The following PROM1 variants were observed in gnomAD, a reference collection of about 807,000 sequenced individuals.
The protein encoded by PROM1 is prominin 1, also known as prominin-1.
Under a neutral mutation model 116.9 loss-of-function variants are expected in PROM1, and 105 were observed. The observed-to-expected ratio is 0.90, with a 90% CI of 0.77 to 1.06. The LOEUF is 1.06. Ranked by LOEUF, PROM1 falls within the 50% of genes least tolerant of loss-of-function variation. The pLI is 0.00. For synonymous variants in PROM1, 393 were observed against 387.0 expected (o/e 1.02, Z -0.18); for missense variants, 1,122 against 1,045.2 (o/e 1.07, Z -1.01).
chr4:16,024,201 C>G, intron 7 of PROM1, 94 bp downstream of exon 7: 1 of 1,134,646 alleles, frequency 8.8e-7, no homozygotes, highest in African/African-American at 1.6e-5. Flanking sequence ...TGTCTTCCCC[C>G]AACTTTCACG....
chr4:16,022,095 AAAGG>A (rs377291941), intron 8 of PROM1, among the ~76,000 whole-genome samples: 2 of 150,568 alleles, frequency 1.3e-5, no homozygotes, highest in East Asian at 2.0e-4. Context: ...AGGGAAGGAG[AAAGG>A]AAGGAAGGAG....
At chr4:16,078,467 G>T (rs960157996) in intron 1 of PROM1, among the ~76,000 whole-genome samples, 2 of 152,256 alleles carry the variant, frequency 1.3e-5, no homozygotes, top group Non-Finnish European at 2.9e-5. Context: ...TACAGGGCAA[G>T]TGCTGGCGTA....
intron 22 of PROM1, among the ~76,000 whole-genome samples, chr4:15,984,896 C>A (rs1007348220): frequency 2.0e-5 from 3 of 152,216 alleles, no homozygotes; most frequent in African/African-American, 4.8e-5. Context: ...ACTACCTCCA[C>A]CCCCGGCCTG....
chr4:16,021,737 C>A (rs1729947433), intron 8 of PROM1, among the ~76,000 whole-genome samples: 1 of 152,124 alleles, frequency 6.6e-6, no homozygotes, highest in African/African-American at 2.4e-5. Flanking sequence ...CACCCGCCAT[C>A]TTAACACTCT....
chr4:16,006,002 C>T (rs1725378431), intron 13 of PROM1, among the ~76,000 whole-genome samples: 1 of 152,188 alleles, frequency 6.6e-6, no homozygotes, highest in Non-Finnish European at 1.5e-5. Flanking sequence ...CGCAGGCATA[C>T]CTCTCCCTGC....
At chr4:16,072,388 A>G (rs993046881) in intron 2 of PROM1, among the ~76,000 whole-genome samples, 1 of 152,190 alleles carries the variant, frequency 6.6e-6, no homozygotes. Flanking sequence ...TATCTCTTCT[A>G]TTCCTTGACC....
At position 16,023,196 on chromosome 4, in the gene PROM1, T is replaced by C. The variant is rs551065127; in HGVS notation, c.784+130A>G. The C allele has an allele frequency of 9.9e-5, 75 of 754,076 alleles. No homozygotes were observed. In the African/African-American group the frequency reaches 1.1e-3, roughly 11 times the overall value. 46.7% of individuals were successfully genotyped at this position (754,076 alleles called of 1,614,324 possible). On this transcript the variant is annotated intron_variant, in intron 8 of 27. Transcript: ENST00000447510. ...TGCAACACAGTGTCTTGACCTGAAC[T>C]GTCTGCATGGCCACGGACGGTGGCT...
intron 2 of PROM1, among the ~76,000 whole-genome samples, chr4:16,042,448 G>A (rs1285983966): frequency 6.6e-6 from 1 of 152,164 alleles, no homozygotes; most frequent in African/African-American, 2.4e-5. Context: ...ACAAGGAGGT[G>A]GGAGGAGGGT....
intron 2 of PROM1, among the ~76,000 whole-genome samples, chr4:16,069,506 T>TC (rs1742325822): frequency 6.6e-6 from 1 of 152,180 alleles, no homozygotes; most frequent in African/African-American, 2.4e-5. Context: ...TTTAAAAGCA[T>TC]CATAGTAAAA....
chr4:16,008,057 T>C (rs751225636), intron 12 of PROM1, among the ~76,000 whole-genome samples: 2 of 152,210 alleles, frequency 1.3e-5, no homozygotes, highest in Non-Finnish European at 2.9e-5. Context: ...AAAAGAAATG[T>C]GCAGAAAGTG....
intron 5 of PROM1, among the ~76,000 whole-genome samples, chr4:16,029,886 C>T (rs1414854750): frequency 6.6e-6 from 1 of 151,944 alleles, no homozygotes; most frequent in African/African-American, 2.4e-5. Context: ...AGCTAGAGGC[C>T]CTGCATTAAA....
intron 25 of PROM1, 82 bp downstream of exon 25, chr4:15,979,799 A>G (rs1717286854): frequency 8.2e-7 from 1 of 1,212,274 alleles, no homozygotes; most frequent in Non-Finnish European, 1.2e-6. Context: ...GATGTTAATA[A>G]CTTAATTTTT....
At chr4:15,990,168 T>C (rs2240683) in intron 18 of PROM1, among the ~76,000 whole-genome samples, 126,798 of 152,192 alleles carry the variant, frequency 0.83, 55,252 homozygotes, top group Non-Finnish European at 0.97. Flanking sequence ...CCACACTCAA[T>C]GAATGTTTAA....
intron 2 of PROM1, among the ~76,000 whole-genome samples, chr4:16,074,194 A>AT (rs555757844): frequency 5.3e-5 from 8 of 152,322 alleles, no homozygotes; most frequent in Admixed American, 5.2e-4. Flanking sequence ...GTAATTGTAC[A>AT]TTTTGAAATA....
At chr4:15,982,530 G>T (rs909588672) in intron 23 of PROM1, among the ~76,000 whole-genome samples, 2 of 152,162 alleles carry the variant, frequency 1.3e-5, no homozygotes, top group African/African-American at 4.8e-5. Flanking sequence ...TTGACTAAAT[G>T]GATGCCCAGA....
chr4:16,009,133 T>C, intron 11 of PROM1, 25 bp from the exon 12 acceptor site: 1 of 1,600,424 alleles, frequency 6.2e-7, no homozygotes, highest in Non-Finnish European at 8.5e-7. Context: ...ACCTTTGTTA[T>C]GCATTTGCAA....
At chr4:15,990,616 G>A (rs542528311) in intron 18 of PROM1, among the ~76,000 whole-genome samples, 7 of 152,310 alleles carry the variant, frequency 4.6e-5, no homozygotes, top group East Asian at 3.9e-4. Flanking sequence ...GAGGGTGCCC[G>A]CACTCAGAGC....
rs201701647 is a variant in PROM1, at chr4:16,075,726, T to G, written c.181A>C (p.Ile61Leu). The change falls in exon 2 of 28, where the codon ATC becomes CTC. Residue 61 changes from isoleucine to leucine, a missense_variant. Physicochemically the swap from Ile to Leu is conservative, Grantham distance 5. Transcript: ENST00000447510. ...PIGILFELVH[I>L]FLYVVQPRDF... ...CGCGGCTGTACCACATAGAGAAAGA[T>G]ATGCACTAGTTCAAAGAGAATGCCA... 2.5e-6 allele frequency: 4 copies of G among 1,613,740 alleles called. No individual in the cohort carries two copies. Among genetic ancestry groups the G allele is most frequent in the Non-Finnish European group, 3.4e-6 (4 of 1,179,808 alleles).
intron 20 of PROM1, among the ~76,000 whole-genome samples, chr4:15,987,150 G>A (rs906139406): frequency 6.6e-6 from 1 of 152,236 alleles, no homozygotes; most frequent in Non-Finnish European, 1.5e-5. Context: ...GAACGCTGGT[G>A]AAGGGGCAGG....
Sources: allele counts gnomAD v4.1 joint callset (sites outside exome capture counted in the v4.1 genomes callset), GRCh38; gene constraint gnomAD v4.1.1; transcripts MANE v1.5; gene names NCBI Gene and HGNC (gene_info 2026-07-23, HGNC 2026-07-21).